Variants in RBFOX1 observed in about 807,000 individuals in gnomAD.
RBFOX1 encodes RNA binding protein fox-1 homolog 1.
In RBFOX1, 8 loss-of-function variants were observed where a neutral mutation model predicts 57.7. The observed-to-expected ratio is 0.14, with a 90% CI of 0.08 to 0.25. The LOEUF (loss-of-function observed/expected upper bound fraction) is 0.25, where lower values mean the gene tolerates loss of function less well. RBFOX1 is among the 10% of genes least tolerant of loss of function. The probability of loss-of-function intolerance (pLI) is 1.00; values close to 1 mark genes in which losing one functional copy is unlikely to be tolerated. For synonymous variants in RBFOX1, 326 were observed against 222.4 expected, an observed-to-expected ratio of 1.47 and a Z score of -4.15; for missense variants, 611 against 548.5, an observed-to-expected ratio of 1.11 and a Z score of -1.14.
chr16:5,868,472 G>A (rs28607579), intron 4 of RBFOX1, among the ~76,000 whole-genome samples: 17,511 of 152,216 alleles, frequency 0.12, 1,565 homozygotes, highest in African/African-American at 0.24. Context: ...TCACACAGTC[G>A]TTAGTAGGGT....
At chr16:6,824,492 G>A (rs2091840197) in intron 3 of RBFOX1, among the ~76,000 whole-genome samples, 3 of 152,168 alleles carry the variant, frequency 2.0e-5, no homozygotes, top group African/African-American at 4.8e-5. Flanking sequence ...GTGTTTTGTA[G>A]TAAATTCTAT....
intron 2 of RBFOX1, among the ~76,000 whole-genome samples, chr16:6,580,746 G>A (rs904660244): frequency 6.6e-6 from 1 of 152,114 alleles, no homozygotes; most frequent in Admixed American, 6.5e-5. Context: ...AGAGAAGTAA[G>A]TTCCCTGGCC....
At chr16:6,972,049 T>C (rs1326125977) in intron 3 of RBFOX1, among the ~76,000 whole-genome samples, 2 of 152,214 alleles carry the variant, frequency 1.3e-5, no homozygotes, top group Non-Finnish European at 2.9e-5. Flanking sequence ...GGTCAAAGAC[T>C]TTTGTTTCCT....
At chr16:6,469,521 A>T (rs17140323) in intron 2 of RBFOX1, among the ~76,000 whole-genome samples, 2,822 of 152,298 alleles carry the variant, frequency 0.019, 80 homozygotes, top group African/African-American at 0.062. Context: ...TTTGAAAACA[A>T]GACAAATACG....
At chr16:7,076,907 CTTAG>C (rs1211910493) in intron 4 of RBFOX1, among the ~76,000 whole-genome samples, 1 of 152,264 alleles carries the variant, frequency 6.6e-6, no homozygotes, top group East Asian at 1.9e-4. Flanking sequence ...TGGTTGTTGT[CTTAG>C]TTAAACACTT....
At chr16:7,023,689 T>C (rs917358303) in intron 3 of RBFOX1, among the ~76,000 whole-genome samples, 2 of 151,686 alleles carry the variant, frequency 1.3e-5, no homozygotes, top group Admixed American at 6.6e-5. Flanking sequence ...TCCCTTGTCT[T>C]AAATCAGAGA....
rs534924139 is a variant in RBFOX1 at position 6,932,963 on chromosome 16, C to G, written c.-15-119094C>G. On this transcript the variant is annotated intron_variant, in intron 3 of 15. Coordinates refer to ENST00000550418, the MANE Select transcript of RBFOX1 (RefSeq NM_018723.4). ...TTCTGTCTTTATGAACTTGACTGCTCTAGTATCTCATGTAAGTGGAATCAT... is the reference window on the plus strand; with the variant it reads ...TTCTGTCTTTATGAACTTGACTGCTGTAGTATCTCATGTAAGTGGAATCAT... Among the ~76,000 whole-genome samples, 7 of 152,292 alleles carry G rather than the reference C, an allele frequency of 4.6e-5. No homozygotes were observed. The South Asian group carries it at 1.4e-3, about 32-fold the overall frequency.
intron 3 of RBFOX1, among the ~76,000 whole-genome samples, chr16:6,993,217 A>G (rs2091782288): frequency 6.6e-6 from 1 of 152,172 alleles, no homozygotes; most frequent in Non-Finnish European, 1.5e-5. Flanking sequence ...ATAGCTGTGC[A>G]ATGACTTGTT....
At chr16:5,655,364 T>C (rs952047524) in intron 3 of RBFOX1, among the ~76,000 whole-genome samples, 1 of 152,146 alleles carries the variant, frequency 6.6e-6, no homozygotes, top group African/African-American at 2.4e-5. Context: ...TGCCTGAGAA[T>C]GGAAAGACAT....
intron 2 of RBFOX1, chr16:6,573,668 T>C (rs2097376982): frequency 6.6e-6 from 1 of 152,262 alleles, no homozygotes; most frequent in Non-Finnish European, 1.5e-5. Context: ...ACGGGGCTGC[T>C]GTCTGCTGTG....
At chr16:7,474,105 G>A (rs557834228) in intron 4 of RBFOX1, among the ~76,000 whole-genome samples, 166 of 152,204 alleles carry the variant, frequency 1.1e-3, no homozygotes, top group Admixed American at 3.1e-3. Context: ...TGGCCAATAC[G>A]GTGAAACTCT....
chr16:5,999,658 G>T (rs755629015), intron 4 of RBFOX1, among the ~76,000 whole-genome samples: 1 of 151,896 alleles, frequency 6.6e-6, no homozygotes, highest in Admixed American at 6.6e-5. Context: ...TCAGGAGATC[G>T]AGACCATTCT....
intron 14 of RBFOX1, among the ~76,000 whole-genome samples, chr16:7,699,531 G>C (rs940138495): frequency 2.0e-5 from 3 of 152,142 alleles, no homozygotes; most frequent in Non-Finnish European, 4.4e-5. Flanking sequence ...GCACACAATA[G>C]GACTTGCTAA....
At chr16:6,328,364 A>T (rs2082616156) in intron 2 of RBFOX1, among the ~76,000 whole-genome samples, 1 of 152,122 alleles carries the variant, frequency 6.6e-6, no homozygotes, top group African/African-American at 2.4e-5. Flanking sequence ...CCAAAATCTC[A>T]CAGATCGCCA....
At chr16:5,904,212 C>G (rs531015000) in intron 4 of RBFOX1, among the ~76,000 whole-genome samples, 1 of 152,090 alleles carries the variant, frequency 6.6e-6, no homozygotes, top group Non-Finnish European at 1.5e-5. Context: ...CTCATCTCGG[C>G]AAGCCTTGAA....
At chr16:6,304,487 A>G (rs911709268) in intron 1 of RBFOX1, among the ~76,000 whole-genome samples, 4 of 152,084 alleles carry the variant, frequency 2.6e-5, no homozygotes, top group African/African-American at 9.7e-5. Flanking sequence ...GGAGGAGGAC[A>G]CTTAGAATCT....
Position 6,042,929 on chromosome 16 carries a change from C to T in RBFOX1, c.-127+22937C>T, listed in dbSNP as rs138561428. ...GACTTGAAGCTGGTAGAAAGAAATGCTTGATTTAAGATAAGGGGGGTTGTG... is the reference window on the plus strand; with the variant it reads ...GACTTGAAGCTGGTAGAAAGAAATGTTTGATTTAAGATAAGGGGGGTTGTG... On this transcript the variant is annotated intron_variant, in intron 1 of 15. Transcript: ENST00000550418. 7.9e-5 allele frequency among the ~76,000 whole-genome samples: 12 copies of T among 151,712 alleles called. No individual in the cohort carries two copies. The East Asian group carries it at 2.3e-3, about 30-fold the overall frequency.
intron 1 of RBFOX1, among the ~76,000 whole-genome samples, chr16:5,333,800 A>C (rs1878542): frequency 2.0e-5 from 3 of 152,134 alleles, no homozygotes; most frequent in African/African-American, 7.3e-5. Context: ...ATTTTACTGA[A>C]TCTGGTAGGC....
intron 3 of RBFOX1, among the ~76,000 whole-genome samples, chr16:6,826,214 G>A (rs957231029): frequency 4.6e-5 from 7 of 152,130 alleles, no homozygotes; most frequent in African/African-American, 1.7e-4. Flanking sequence ...GTCGACGCAT[G>A]TAAGAGCTTA....
Sources: allele counts gnomAD v4.1 joint callset (sites outside exome capture counted in the v4.1 genomes callset), GRCh38; gene constraint gnomAD v4.1.1; transcripts MANE v1.5; gene names NCBI Gene and HGNC (gene_info 2026-07-23, HGNC 2026-07-21).